Variants in TMEFF2 observed in about 807,000 individuals in gnomAD.
TMEFF2 encodes the protein transmembrane protein with EGF like and two follistatin like domains 2.
In TMEFF2, 28 loss-of-function variants were observed where a neutral mutation model predicts 53.8. The ratio of observed to expected loss-of-function variants is 0.52; its 90% CI spans 0.39 to 0.71. TMEFF2 has a LOEUF of 0.71. TMEFF2 is among the 30% of genes least tolerant of loss of function. The pLI, the probability that TMEFF2 is intolerant of heterozygous loss-of-function variation, is 0.00. For synonymous variants in TMEFF2, 162 were observed against 166.3 expected (o/e 0.97, Z 0.20); for missense variants, 353 against 455.2 (o/e 0.78, Z 2.04).
intron 3 of TMEFF2, among the ~76,000 whole-genome samples, chr2:192,182,914 C>T (rs1293335521): frequency 6.6e-6 from 1 of 151,934 alleles, no homozygotes; most frequent in African/African-American, 2.4e-5. Flanking sequence ...TTTCTATATC[C>T]CCCATCCTTA....
At chr2:191,971,860 G>T (rs988346123) in intron 7 of TMEFF2, among the ~76,000 whole-genome samples, 1 of 152,240 alleles carries the variant, frequency 6.6e-6, no homozygotes, top group Admixed American at 6.5e-5. Flanking sequence ...AAAAAATAGG[G>T]TGCTCAGATA....
At chr2:192,114,136 T>C (rs904073519) in intron 4 of TMEFF2, among the ~76,000 whole-genome samples, 1 of 151,362 alleles carries the variant, frequency 6.6e-6, no homozygotes, top group Non-Finnish European at 1.5e-5. Context: ...ATAAACATCT[T>C]TTCTCTTTAA....
chr2:192,001,720 C>T (rs551851398), intron 5 of TMEFF2, among the ~76,000 whole-genome samples: 1 of 151,374 alleles, frequency 6.6e-6, no homozygotes, highest in East Asian at 2.0e-4. Flanking sequence ...GGGAAGTTTC[C>T]CTGCACAAGC....
At chr2:191,953,394 GATAC>G (rs1691947315) in intron 9 of TMEFF2, among the ~76,000 whole-genome samples, 1 of 152,060 alleles carries the variant, frequency 6.6e-6, no homozygotes, top group African/African-American at 2.4e-5. Context: ...AACTGATTCA[GATAC>G]ATAAGGATAC....
At chr2:192,189,024 TA>T (rs1467064891) in intron 2 of TMEFF2, among the ~76,000 whole-genome samples, 2 of 151,474 alleles carry the variant, frequency 1.3e-5, no homozygotes, top group Non-Finnish European at 2.9e-5. Flanking sequence ...AAACCTAAAA[TA>T]AAAGTTTAAA....
At chr2:191,980,317 A>AGG (rs1405362317) in intron 7 of TMEFF2, among the ~76,000 whole-genome samples, 3 of 152,218 alleles carry the variant, frequency 2.0e-5, no homozygotes, top group African/African-American at 4.8e-5. Flanking sequence ...GAAGGTGTGA[A>AGG]GGGCAGGCCA....
At chr2:192,065,694 T>G (rs929599567) in intron 4 of TMEFF2, among the ~76,000 whole-genome samples, 2 of 151,900 alleles carry the variant, frequency 1.3e-5, no homozygotes. Context: ...GCATTTAATA[T>G]ATCTGTTGTA....
At chr2:192,138,236 G>A (rs758875024) in intron 4 of TMEFF2, among the ~76,000 whole-genome samples, 4 of 152,208 alleles carry the variant, frequency 2.6e-5, no homozygotes, top group Non-Finnish European at 4.4e-5. Flanking sequence ...TTCAAAAGAA[G>A]CATGTCCATA....
At chr2:192,028,141 TC>T in intron 5 of TMEFF2, among the ~76,000 whole-genome samples, 1 of 151,610 alleles carries the variant, frequency 6.6e-6, no homozygotes, top group Admixed American at 6.6e-5. Flanking sequence ...AATGGAAGTT[TC>T]CCTGCACAAG....
chr2:192,153,714 A>G (rs1690441645), intron 4 of TMEFF2, among the ~76,000 whole-genome samples: 1 of 151,792 alleles, frequency 6.6e-6, no homozygotes, highest in South Asian at 2.1e-4. Context: ...GGCTGTCTAC[A>G]TTGTTTTCTG....
chr2:191,967,557 G>A lies in TMEFF2; in HGVS notation c.746-11179C>T, dbSNP rs368540242. Among the ~76,000 whole-genome samples, 203 of 152,208 alleles carry A rather than the reference G, an allele frequency of 1.3e-3. 2 individuals are homozygous for A. Among genetic ancestry groups the A allele is most frequent in the African/African-American group, 4.6e-3 (193 of 41,524 alleles). The stretch of plus-strand genomic sequence containing the variant: ...ATCAGAATTACCAGCTGAGGGGCCT[G>A]GATCTGTCTTTTAAAAGGTGCTTTA... On this transcript the variant is annotated intron_variant, in intron 7 of 9. Coordinates refer to ENST00000272771, the MANE Select transcript of TMEFF2 (RefSeq NM_016192.4).
chr2:191,955,173 GGGAGAGAGA>G (rs1559058844), intron 8 of TMEFF2, among the ~76,000 whole-genome samples: 234 of 2,166 alleles, frequency 0.11, 2 homozygotes, highest in Admixed American at 0.15. Flanking sequence ...GGGAGAGAGA[GGGAGAGAGA>G]GAGAGAGAGA....
At chr2:192,134,064 C>A (rs377251155) in intron 4 of TMEFF2, among the ~76,000 whole-genome samples, 2 of 152,186 alleles carry the variant, frequency 1.3e-5, no homozygotes, top group Non-Finnish European at 2.9e-5. Context: ...CTGCGTGCAG[C>A]GGCTGCCACT....
At chr2:192,070,322 T>C (rs1235445759) in intron 4 of TMEFF2, among the ~76,000 whole-genome samples, 2 of 151,698 alleles carry the variant, frequency 1.3e-5, no homozygotes, top group African/African-American at 4.8e-5. Context: ...ATGACAAAAT[T>C]TTTGAAACTC....
intron 2 of TMEFF2, among the ~76,000 whole-genome samples, chr2:192,189,030 T>C (rs776136294): frequency 6.6e-6 from 1 of 151,380 alleles, no homozygotes; most frequent in East Asian, 1.9e-4. Context: ...AAAATAAAAG[T>C]TTAAAAAAGG....
intron 7 of TMEFF2, among the ~76,000 whole-genome samples, chr2:191,970,060 T>C (rs759410506): frequency 6.6e-6 from 1 of 152,176 alleles, no homozygotes; most frequent in African/African-American, 2.4e-5. Context: ...TCTTTGTGTT[T>C]AAGCACAGTA....
intron 4 of TMEFF2, among the ~76,000 whole-genome samples, chr2:192,174,368 G>T (rs1690986031): frequency 6.6e-6 from 1 of 151,628 alleles, no homozygotes; most frequent in Non-Finnish European, 1.5e-5. Context: ...GATAACAAAG[G>T]TCCCTTTCTC....
chr2:192,128,731 T>C (rs1689737977), intron 4 of TMEFF2, among the ~76,000 whole-genome samples: 1 of 152,168 alleles, frequency 6.6e-6, no homozygotes, highest in African/African-American at 2.4e-5. Flanking sequence ...TTCAGAGAGA[T>C]GAGACACTGA....
intron 4 of TMEFF2, among the ~76,000 whole-genome samples, chr2:192,128,015 G>A (rs1327967199): frequency 2.0e-5 from 3 of 152,104 alleles, no homozygotes; most frequent in African/African-American, 7.2e-5. Flanking sequence ...TACTGTGCAA[G>A]GTAGTGATAA....
Sources: allele counts gnomAD v4.1 joint callset (sites outside exome capture counted in the v4.1 genomes callset), GRCh38; gene constraint gnomAD v4.1.1; transcripts MANE v1.5; gene names NCBI Gene and HGNC (gene_info 2026-07-23, HGNC 2026-07-21).